Variants in ODR4 observed in about 807,000 individuals in gnomAD.
ODR4 encodes the protein protein odr-4 homolog.
ODR4 carries 47 observed loss-of-function variants against 60.2 expected under a neutral mutation model. The ratio of observed to expected loss-of-function variants is 0.78; its 90% CI spans 0.62 to 1.00. The LOEUF (loss-of-function observed/expected upper bound fraction) is 1.00, where lower values mean the gene tolerates loss of function less well. ODR4 is among the 50% of genes least tolerant of loss of function. ODR4 has a pLI of 0.00. For synonymous variants in ODR4, 178 were observed against 175.5 expected (o/e 1.01, Z -0.11); for missense variants, 488 against 530.8 (o/e 0.92, Z 0.79).
chr1:186,402,929 GC>G (rs1661040597), intron 11 of ODR4, among the ~76,000 whole-genome samples: 1 of 152,014 alleles, frequency 6.6e-6, no homozygotes, highest in African/African-American at 2.4e-5. Context: ...ACTTTTTGAG[GC>G]TGCAAGATTA....
In ODR4 at chr1:186,406,113, A is replaced by G. The variant is rs1661165841; in HGVS notation, c.1031A>G (p.Tyr344Cys). ...DSEKEFHVLP[Y>C]RVFVPLPGST... ...GAAAAAGAGTTCCACGTCCTCCCTT[A>G]TCGAGTCTTTGTTCCCCTTCCTGGA... The change falls in exon 12 of 14, where the codon TAT becomes TGT. Residue 344 changes from tyrosine (Y) to cysteine (C), a missense_variant. Transcript: ENST00000287859. 7 of 1,594,840 alleles carry G rather than the reference A, an allele frequency of 4.4e-6. No individual in the cohort carries two copies. Among genetic ancestry groups the G allele is most frequent in the Non-Finnish European group, 5.1e-6 (6 of 1,171,652 alleles).
chr1:186,412,192 G>A (rs1288712974), intron 12 of ODR4, among the ~76,000 whole-genome samples: 1 of 152,094 alleles, frequency 6.6e-6, no homozygotes. Flanking sequence ...TTCAAAACAA[G>A]GTGGCCCATG....
At chr1:186,405,111 A>G (rs1172781378) in intron 11 of ODR4, among the ~76,000 whole-genome samples, 1 of 152,262 alleles carries the variant, frequency 6.6e-6, no homozygotes, top group East Asian at 1.9e-4. Flanking sequence ...CTTTTTACAA[A>G]GAAGCATAAG....
intron 9 of ODR4, among the ~76,000 whole-genome samples, chr1:186,394,656 A>G (rs1203587906): frequency 6.6e-6 from 1 of 152,216 alleles, no homozygotes; most frequent in Non-Finnish European, 1.5e-5. Flanking sequence ...TTATTTCAAT[A>G]TTATACTGGA....
intron 12 of ODR4, among the ~76,000 whole-genome samples, chr1:186,413,220 T>G (rs1661437731): frequency 6.6e-6 from 1 of 151,986 alleles, no homozygotes; most frequent in South Asian, 2.1e-4. Context: ...TAGAACATTT[T>G]GGGTTTTGGA....
intron 12 of ODR4, among the ~76,000 whole-genome samples, chr1:186,409,507 A>G (rs1217421121): frequency 6.6e-6 from 1 of 152,230 alleles, no homozygotes; most frequent in Non-Finnish European, 1.5e-5. Context: ...CCAAAGAACA[A>G]CAAAATGCTG....
chr1:186,412,283 C>A (rs960165494), intron 12 of ODR4, among the ~76,000 whole-genome samples: 1 of 152,110 alleles, frequency 6.6e-6, no homozygotes, highest in Non-Finnish European at 1.5e-5. Context: ...ACTAATAATT[C>A]TATAACAAGA....
In ODR4 at chr1:186,386,956, C is replaced by G. The variant is rs78937516; in HGVS notation, c.330+873C>G. Among the ~76,000 whole-genome samples the G allele has an allele frequency of 6.8e-3, 1,036 of 152,196 alleles. 18 individuals are homozygous for G. Among genetic ancestry groups the G allele is most frequent in the African/African-American group, 0.024 (998 of 41,522 alleles). On this transcript the variant is annotated intron_variant, in intron 4 of 13. Transcript: ENST00000287859. Reference sequence around the variant, plus strand: ...GTCCACATGCTGTTTTCCCTTAAACCCAAACCTAAGGTAGATTCTGTGTAG... The same window carrying G: ...GTCCACATGCTGTTTTCCCTTAAACGCAAACCTAAGGTAGATTCTGTGTAG...
rs140205241 is a variant in ODR4, at chr1:186,407,850, A to C, written c.1186+1582A>C. Among the ~76,000 whole-genome samples, 3 of 152,242 alleles carry C rather than the reference A, an allele frequency of 2.0e-5. No individual in the cohort carries two copies. The East Asian group carries it at 5.8e-4, about 29-fold the overall frequency. ...AGGAATTTTTAACCTGTGGGGTTCA[A>C]AACCTCTGGTGTCAGAGCTGAACTT... On this transcript the variant is annotated intron_variant, in intron 12 of 13. Transcript: ENST00000287859.
chr1:186,395,925 T>A lies in ODR4; in HGVS notation c.780+1910T>A, dbSNP rs567537144. 9.2e-5 allele frequency among the ~76,000 whole-genome samples: 14 copies of A among 152,334 alleles called. No individual in the cohort carries two copies. The South Asian group carries it at 2.9e-3, about 32-fold the overall frequency. The stretch of plus-strand genomic sequence containing the variant: ...TAGTTAGAGAAGTCCAACTCAGGGT[T>A]CTTCATAGCCTCAGCATACCTTTTT... On this transcript the variant is annotated intron_variant, in intron 9 of 13. Coordinates refer to ENST00000287859, the MANE Select transcript of ODR4 (RefSeq NM_017847.6).
At chr1:186,382,114 C>A (rs1052546284) in intron 2 of ODR4, among the ~76,000 whole-genome samples, 1 of 151,908 alleles carries the variant, frequency 6.6e-6, no homozygotes, top group African/African-American at 2.4e-5. Context: ...GATATTACAG[C>A]TGAAGAACAG....
intron 12 of ODR4, among the ~76,000 whole-genome samples, chr1:186,409,693 G>T (rs1009365874): frequency 2.0e-5 from 3 of 151,918 alleles, no homozygotes; most frequent in Non-Finnish European, 4.4e-5. Flanking sequence ...TTACAGGTGC[G>T]TGCCACCAAG....
chr1:186,383,283 T>C, intron 3 of ODR4, 127 bp downstream of exon 3: 1 of 1,044,320 alleles, frequency 9.6e-7, no homozygotes, highest in African/African-American at 1.6e-5. Context: ...CTGAGATTTT[T>C]AGTCTGGGTG....
chr1:186,383,142 G>C lies in ODR4; in HGVS notation c.220G>C (p.Glu74Gln). 6.5e-7 allele frequency: 1 copy of C among 1,549,684 alleles called. No individual in the cohort carries two copies. The highest frequency in any genetic ancestry group is 8.7e-7 in the Non-Finnish European group (1 of 1,146,822). ...TAACTTGGATGAAGAATGGGCCACAGAACATGCCTGCCAGGTTATCTTATT... is the reference window on the plus strand; with the variant it reads ...TAACTTGGATGAAGAATGGGCCACACAACATGCCTGCCAGGTTATCTTATT... ...LDNLDEEWAT[E>Q]HACQVSRMLP... Residue 74 changes from glutamate to glutamine, a missense_variant, in exon 3 of 14, where the codon GAA (glutamate) becomes CAA (glutamine). Coordinates refer to ENST00000287859, the MANE Select transcript of ODR4 (RefSeq NM_017847.6).
At chr1:186,426,594 C>T in the ODR4 span, among the ~76,000 whole-genome samples, 1 of 152,168 alleles carries the variant, frequency 6.6e-6, no homozygotes, top group Non-Finnish European at 1.5e-5. Context: ...GAATGTCACT[C>T]TTTGCATTCT....
intron 12 of ODR4, among the ~76,000 whole-genome samples, chr1:186,417,055 C>T (rs1021066108): frequency 5.3e-5 from 8 of 151,728 alleles, no homozygotes; most frequent in African/African-American, 1.2e-4. Context: ...CTCCGTCTCC[C>T]GGGTTCAAGC....
chr1:186,402,562 G>A (rs1661025062), intron 11 of ODR4, among the ~76,000 whole-genome samples: 1 of 151,262 alleles, frequency 6.6e-6, no homozygotes, highest in Admixed American at 6.6e-5. Context: ...ACCACGCCTG[G>A]CTAATTTTTT....
chr1:186,398,796 A>G (rs1660798353), intron 10 of ODR4, among the ~76,000 whole-genome samples, 158 bp from the exon 11 acceptor site: 1 of 152,240 alleles, frequency 6.6e-6, no homozygotes, highest in African/African-American at 2.4e-5. Flanking sequence ...TTTGTTAATA[A>G]GTGTGCTAAA....
chr1:186,399,931 T>G (rs1376107174), intron 11 of ODR4, among the ~76,000 whole-genome samples: 1 of 151,524 alleles, frequency 6.6e-6, no homozygotes, highest in Non-Finnish European at 1.5e-5. Context: ...AAAAGCAAGT[T>G]AAAATATTGA....
Sources: allele counts gnomAD v4.1 joint callset (sites outside exome capture counted in the v4.1 genomes callset), GRCh38; gene constraint gnomAD v4.1.1; transcripts MANE v1.5; gene names NCBI Gene and HGNC (gene_info 2026-07-23, HGNC 2026-07-21).